The following INSC variants were observed in gnomAD, a reference collection of about 807,000 sequenced individuals.
INSC encodes the protein INSC spindle orientation adaptor protein.
In INSC, 67 loss-of-function variants were observed where a neutral mutation model predicts 58.6. The observed-to-expected ratio is 1.14, with a 90% confidence interval of 0.94 to 1.40. The LOEUF (loss-of-function observed/expected upper bound fraction) is 1.40, where lower values mean the gene tolerates loss of function less well. Among genes scored for constraint, INSC ranks in the 40% most tolerant of loss-of-function variants. INSC has a pLI of 0.00. For missense variants in INSC, 714 were observed against 692.0 expected (o/e 1.03, Z -0.36); for synonymous variants, 262 against 276.1 (o/e 0.95, Z 0.51).
intron 10 of INSC, among the ~76,000 whole-genome samples, chr11:15,236,127 T>C (rs1205987527): frequency 6.6e-6 from 1 of 151,800 alleles, no homozygotes; most frequent in East Asian, 1.9e-4. Context: ...TGTGTGCTTG[T>C]ATGTGTGCAA....
intron 2 of INSC, among the ~76,000 whole-genome samples, chr11:15,172,015 G>A (rs1849418630): frequency 6.6e-6 from 1 of 152,168 alleles, no homozygotes. Context: ...TGGGAGGAGG[G>A]GCCTTTAGCA....
intron 10 of INSC, among the ~76,000 whole-genome samples, chr11:15,238,366 T>TG (rs1051623774): frequency 2.0e-5 from 3 of 152,276 alleles, no homozygotes; most frequent in African/African-American, 7.2e-5. Flanking sequence ...ACCTCTTACC[T>TG]GGGGGATTCA....
At chr11:15,242,460 A>G (rs188077521) in intron 12 of INSC, among the ~76,000 whole-genome samples, 1 of 152,242 alleles carries the variant, frequency 6.6e-6, no homozygotes, top group African/African-American at 2.4e-5. Context: ...GTTTATAATC[A>G]TGACACTTTC....
intron 5 of INSC, among the ~76,000 whole-genome samples, chr11:15,186,130 C>G (rs1255005281): frequency 6.6e-6 from 1 of 152,184 alleles, no homozygotes; most frequent in African/African-American, 2.4e-5. Flanking sequence ...TGAGGCCACT[C>G]TTGATGTTCC....
chr11:15,242,437 T>C (rs1240575609), intron 12 of INSC, among the ~76,000 whole-genome samples: 1 of 152,120 alleles, frequency 6.6e-6, no homozygotes, highest in Non-Finnish European at 1.5e-5. Flanking sequence ...CTGAGTTAAT[T>C]TTCCTAATGA....
At chr11:15,165,972 A>C (rs1057453548) in intron 2 of INSC, among the ~76,000 whole-genome samples, 2 of 152,110 alleles carry the variant, frequency 1.3e-5, no homozygotes, top group African/African-American at 2.4e-5. Context: ...AAGTTGGGCT[A>C]TCTTTCTTAT....
chr11:15,117,814 C>T (rs182798878), intron 1 of INSC, among the ~76,000 whole-genome samples: 51 of 152,242 alleles, frequency 3.3e-4, no homozygotes, highest in Non-Finnish European at 1.5e-4. Context: ...TAATTGGTGA[C>T]GATGTCTTGG....
intron 2 of INSC, among the ~76,000 whole-genome samples, chr11:15,156,739 G>A (rs1848827084): frequency 6.6e-6 from 1 of 152,236 alleles, no homozygotes; most frequent in Non-Finnish European, 1.5e-5. Flanking sequence ...GAGGCCTGGA[G>A]CAGAAGGTTC....
chr11:15,128,253 T>A (rs1200382837), intron 1 of INSC, among the ~76,000 whole-genome samples: 1 of 152,252 alleles, frequency 6.6e-6, no homozygotes, highest in Non-Finnish European at 1.5e-5. Context: ...GATTTTTCAC[T>A]TTGCCTGAAT....
the INSC span, among the ~76,000 whole-genome samples, chr11:15,268,796 A>G: frequency 6.6e-6 from 1 of 152,108 alleles, no homozygotes; most frequent in African/African-American, 2.4e-5. Context: ...TTAGAACAGT[A>G]CTGTAACCTC....
chr11:15,216,645 CA>C (rs1415829519), intron 7 of INSC, among the ~76,000 whole-genome samples: 3 of 152,194 alleles, frequency 2.0e-5, no homozygotes, highest in Non-Finnish European at 4.4e-5. Flanking sequence ...AAACAGAAAT[CA>C]CTCCCATTTT....
chr11:15,135,594 T>C (rs1848225724), intron 1 of INSC, among the ~76,000 whole-genome samples: 1 of 152,208 alleles, frequency 6.6e-6, no homozygotes, highest in Non-Finnish European at 1.5e-5. Flanking sequence ...AAGGTTTTGG[T>C]TCAGTCTGGA....
chr11:15,125,779 C>T (rs1175522407), intron 1 of INSC, among the ~76,000 whole-genome samples: 1 of 152,120 alleles, frequency 6.6e-6, no homozygotes, highest in Admixed American at 6.5e-5. Flanking sequence ...AAAAGATGTA[C>T]CCATAGGAGA....
chr11:15,167,118 A>C lies in INSC; in HGVS notation c.57-8623A>C, dbSNP rs562429926. On this transcript the variant is annotated intron_variant, in intron 2 of 12. Coordinates refer to ENST00000379556, the MANE Select transcript of INSC (RefSeq NM_001042536.3). ...AATTCTGTCTATTTTTTTTTTTGCT[A>C]AACACAAAAATATTATTAACACAGT... 2.7e-5 allele frequency among the ~76,000 whole-genome samples: 4 copies of C among 149,950 alleles called. No individual in the cohort carries two copies. The East Asian group carries it at 5.8e-4, about 22-fold the overall frequency.
At chr11:15,229,937 TATATATAATA>T (rs1851785447) in intron 9 of INSC, among the ~76,000 whole-genome samples, 2 of 16,716 alleles carry the variant, frequency 1.2e-4, no homozygotes, top group Non-Finnish European at 2.6e-4. Flanking sequence ...ATATATTATA[TATATATAATA>T]TTATATATAT....
At chr11:15,158,827 C>T (rs149178711) in intron 2 of INSC, among the ~76,000 whole-genome samples, 2,223 of 145,968 alleles carry the variant, frequency 0.015, 32 homozygotes, top group Admixed American at 0.031. Context: ...ACTTCAACTG[C>T]TCTTATAATT....
chr11:15,120,219 T>TC (rs746395163), intron 1 of INSC, among the ~76,000 whole-genome samples: 12 of 152,368 alleles, frequency 7.9e-5, no homozygotes, highest in Middle Eastern at 3.4e-3. Context: ...ATTCATTTAT[T>TC]CATGCCTCAG....
chr11:15,148,379 A>G (rs1848547599), intron 1 of INSC, among the ~76,000 whole-genome samples: 1 of 152,210 alleles, frequency 6.6e-6, no homozygotes. Context: ...TTCTCCAGCT[A>G]GTGCTGCTCG....
chr11:15,204,895 A>G (rs1033685116), intron 7 of INSC, among the ~76,000 whole-genome samples: 8 of 152,164 alleles, frequency 5.3e-5, no homozygotes, highest in African/African-American at 1.9e-4. Context: ...GAAGAGGTTC[A>G]TTAAATCCTG....
Sources: allele counts gnomAD v4.1 joint callset (sites outside exome capture counted in the v4.1 genomes callset), GRCh38; gene constraint gnomAD v4.1.1; transcripts MANE v1.5; gene names NCBI Gene and HGNC (gene_info 2026-07-23, HGNC 2026-07-21).